The following TP73 variants were observed in gnomAD, a reference collection of about 807,000 sequenced individuals.
TP73 encodes p53-like transcription factor.
TP73 carries 25 observed loss-of-function variants against 62.5 expected under a neutral mutation model. The observed-to-expected ratio is 0.40, with a 90% CI of 0.29 to 0.56. The LOEUF is 0.56. Ranked by LOEUF, TP73 falls within the 20% of genes least tolerant of loss-of-function variation. TP73 has a pLI of 0.46. For synonymous variants in TP73, 423 were observed against 377.5 expected (o/e 1.12, Z -1.40); for missense variants, 754 against 913.3 (o/e 0.83, Z 2.25).
At chr1:3,687,412 G>T (rs990793894) in intron 3 of TP73, among the ~76,000 whole-genome samples, 1 of 152,324 alleles carries the variant, frequency 6.6e-6, no homozygotes. Context: ...TCGTAGGCTC[G>T]CAGGCTGCGA....
intron 4 of TP73, among the ~76,000 whole-genome samples, chr1:3,721,154 G>C (rs570056133): frequency 1.3e-5 from 2 of 152,236 alleles, no homozygotes; most frequent in African/African-American, 4.8e-5. Flanking sequence ...CCTCAGCGGG[G>C]TCACTTTTAG....
chr1:3,726,411 A>T, intron 6 of TP73, among the ~76,000 whole-genome samples: 1 of 99,196 alleles, frequency 1.0e-5, no homozygotes, highest in African/African-American at 3.9e-5. Context: ...GGATGGATGG[A>T]TGGATGGGGT....
At position 3,735,222 on chromosome 1, in the gene TP73, C is replaced by T. The variant is rs985939824; in HGVS notation, c.*2143C>T. ...CCCACTCTTCCCCCATGTTCCACTT[C>T]AGGAGCCGCGGGGGCCCATCCTGAC... is the stretch of plus-strand genomic sequence containing the variant. On this transcript the variant is annotated 3_prime_UTR_variant, in exon 14 of 14. Transcript: ENST00000378295. 2 of 152,358 alleles carry T rather than the reference C, an allele frequency of 1.3e-5. No homozygotes were observed. The highest frequency in any genetic ancestry group is 4.8e-5 in the African/African-American group (2 of 41,454). The allele number at this position is 152,358 out of a possible 1,614,324, so 9.4% of individuals were successfully genotyped here.
chr1:3,732,756 G>T lies in TP73; in HGVS notation c.1588G>T (p.Ala530Ser). Residue 530 changes from alanine to serine, a missense_variant, in exon 14 of 14, where the codon GCC (alanine) becomes TCC (serine). Ala to Ser is a moderately conservative substitution (Grantham distance 99). Around this residue, in one of 3 missense-constraint regions of TP73, gnomAD observed 458 missense variants for 528.7 expected, o/e 0.87. Transcript: ENST00000378295. Reference sequence around the variant, plus strand: ...CGCCGGCCTCTCGCAGGACCTGGGGGCCCTGAAGATCCCCGAGCAGTACCG... The same window carrying T: ...CGCCGGCCTCTCGCAGGACCTGGGGTCCCTGAAGATCCCCGAGCAGTACCG... ...LQNLTIEDLG[A>S]LKIPEQYRMT... The T allele has an allele frequency of 1.9e-6, 3 of 1,572,746 alleles. No homozygotes were observed. Among genetic ancestry groups the T allele is most frequent in the Non-Finnish European group, 2.6e-6 (3 of 1,155,948 alleles).
At chr1:3,680,452 C>T (rs750521171) in intron 1 of TP73, among the ~76,000 whole-genome samples, 15 of 152,140 alleles carry the variant, frequency 9.9e-5, no homozygotes, top group Non-Finnish European at 1.9e-4. Flanking sequence ...GAAGGGGATG[C>T]GACCCAGAGG....
rs146845182 is a variant in TP73, at chr1:3,678,097, T to A, written c.-33-4236T>A. 2.8e-3 allele frequency among the ~76,000 whole-genome samples: 430 copies of A among 152,376 alleles called. 3 individuals carry two copies. Among genetic ancestry groups the A allele is most frequent in the South Asian group, 0.014 (67 of 4,826 alleles). On this transcript the variant is annotated intron_variant, in intron 1 of 13. Transcript: ENST00000378295. The stretch of plus-strand genomic sequence containing the variant: ...GTTGATAAAACTTCCTAAAGATGTC[T>A]TATGAAATTGGTCTCCTTTCCCCAT...
chr1:3,730,882 T>G (rs1480803047), intron 11 of TP73, 45 bp from the exon 12 acceptor site: 4 of 1,544,666 alleles, frequency 2.6e-6, no homozygotes, highest in Non-Finnish European at 2.6e-6. Context: ...TGCACCTGGA[T>G]GCCCAGCCTG....
chr1:3,728,992 A>AGAG (rs1641900597), intron 9 of TP73, among the ~76,000 whole-genome samples: 1 of 150,718 alleles, frequency 6.6e-6, no homozygotes, highest in Non-Finnish European at 1.5e-5. Flanking sequence ...TGTCGAAAGA[A>AGAG]AGAGAGAGAG....
At chr1:3,697,157 CTCGCACCCGCGGCCCACG>C (rs997916847) in intron 3 of TP73, among the ~76,000 whole-genome samples, 15 of 107,712 alleles carry the variant, frequency 1.4e-4, no homozygotes, top group East Asian at 1.2e-3. Context: ...CGGGGCCCAC[CTCGCACCCGCGGCCCACG>C]TCGCACCCGC....
At chr1:3,680,863 A>G (rs1348582778) in intron 1 of TP73, among the ~76,000 whole-genome samples, 1 of 152,212 alleles carries the variant, frequency 6.6e-6, no homozygotes, top group African/African-American at 2.4e-5. Context: ...TGGCCACGTG[A>G]TGGTGAAGTG....
At position 3,681,018 on chromosome 1, in the gene TP73, G is replaced by T. The variant is rs139660199; in HGVS notation, c.-33-1315G>T. On this transcript the variant is annotated intron_variant, in intron 1 of 13. Transcript: ENST00000378295. ...CCTGAAAAGTGGATGGAGCGGTCAC[G>T]CCCACCTGGGAGAGGTGGCTTGGGC... Among the ~76,000 whole-genome samples the T allele has an allele frequency of 9.2e-5, 14 of 152,342 alleles. No individual in the cohort carries two copies. The East Asian group carries it at 2.7e-3, about 29-fold the overall frequency.
intron 7 of TP73, 124 bp from the exon 8 acceptor site, chr1:3,727,504 G>A (rs1641749950): frequency 1.5e-6 from 2 of 1,354,320 alleles, no homozygotes; most frequent in Admixed American, 2.1e-5. Context: ...GCCGGCACTG[G>A]GTGCTCTGTG....
chr1:3,689,632 G>A (rs1023782680), intron 3 of TP73, among the ~76,000 whole-genome samples: 6 of 152,164 alleles, frequency 3.9e-5, no homozygotes, highest in African/African-American at 7.2e-5. Context: ...GCCGGCTCTC[G>A]GTGGGGACGA....
rs766895274 is a variant in TP73 at position 3,673,250 on chromosome 1, C to T, written c.-33-9083C>T. ...GCTGACCATGAAATGGAGAGGCACT[C>T]GAAGGAGCCAGGGACCCGGCAGCCA... On this transcript the variant is annotated intron_variant, in intron 1 of 13. Transcript: ENST00000378295. Among the ~76,000 whole-genome samples the T allele has an allele frequency of 4.6e-5, 7 of 152,116 alleles. No individual in the cohort carries two copies. In the East Asian group the frequency reaches 1.3e-3, roughly 29 times the overall value.
intron 4 of TP73, among the ~76,000 whole-genome samples, chr1:3,718,066 C>G (rs1640752659): frequency 6.6e-6 from 1 of 152,194 alleles, no homozygotes; most frequent in African/African-American, 2.4e-5. Context: ...CCTGGGCCTC[C>G]CTCCGCCACT....
chr1:3,664,107 C>T (rs1645059156), intron 1 of TP73, among the ~76,000 whole-genome samples: 1 of 152,236 alleles, frequency 6.6e-6, no homozygotes, highest in Non-Finnish European at 1.5e-5. Flanking sequence ...ACTTGAGGTG[C>T]CCAAGTGAGG....
At chr1:3,660,749 C>T (rs941375700) in intron 1 of TP73, among the ~76,000 whole-genome samples, 5 of 152,214 alleles carry the variant, frequency 3.3e-5, no homozygotes, top group African/African-American at 1.2e-4. Context: ...GAAGACACAA[C>T]ATTTTAGAAT....
Position 3,666,603 on chromosome 1 carries a change from C to T in TP73, c.-34+13962C>T, listed in dbSNP as rs1052682536. Among the ~76,000 whole-genome samples, 1 of 152,080 alleles carries T rather than the reference C, an allele frequency of 6.6e-6. No homozygotes were observed. The highest frequency in any genetic ancestry group is 2.4e-5 in the African/African-American group (1 of 41,404). ...AATGGTCCCTCTGCTGGCTCCCTCC[C>T]CACCACCTCCTGCCCACCTCCCTGG... On this transcript the variant is annotated intron_variant, in intron 1 of 13. Coordinates refer to ENST00000378295, the MANE Select transcript of TP73 (RefSeq NM_005427.4). The surrounding 1 kb of genome is among the most constrained non-coding windows in gnomAD (Gnocchi z 6.4).
At chr1:3,717,938 G>A (rs1640741132) in intron 4 of TP73, among the ~76,000 whole-genome samples, 2 of 152,224 alleles carry the variant, frequency 1.3e-5, no homozygotes, top group Non-Finnish European at 1.5e-5. Context: ...GCACTGCACT[G>A]GGGACACCTG....
Sources: gnomAD v4.1 joint callset for allele counts (sites outside exome capture counted in the v4.1 genomes callset) on GRCh38, gnomAD v4.1.1 for gene constraint, gnomAD v4.1.1 regional missense constraint, Gnocchi (gnomAD v3.1) non-coding constraint, MANE v1.5 for transcripts, NCBI Gene and HGNC (gene_info 2026-07-23, HGNC 2026-07-21) for gene names.